The following CSMD1 variants were observed in gnomAD, a reference collection of about 807,000 sequenced individuals.
CSMD1 encodes CUB and sushi domain-containing protein 1.
CSMD1 carries 213 observed loss-of-function variants against 417.5 expected under a neutral mutation model. The ratio of observed to expected loss-of-function variants is 0.51; its 90% CI spans 0.46 to 0.57. The LOEUF (loss-of-function observed/expected upper bound fraction) is 0.57. CSMD1 is among the 20% of genes least tolerant of loss of function. The probability of loss-of-function intolerance (pLI) is 0.00; values close to 1 mark genes in which losing one functional copy is unlikely to be tolerated. For missense variants in CSMD1, 6,923 were observed against 4,529.7 expected (o/e 1.53, Z -15.17); for synonymous variants, 2,862 against 1,736.8 (o/e 1.65, Z -16.11).
At chr8:3,312,135 A>C (rs537902736) in intron 23 of CSMD1, among the ~76,000 whole-genome samples, 1 of 152,344 alleles carries the variant, frequency 6.6e-6, no homozygotes, top group South Asian at 2.1e-4. Context: ...TGTATCCATT[A>C]AAATGTCTAC....
intron 52 of CSMD1, among the ~76,000 whole-genome samples, chr8:3,002,066 A>C (rs190931666): frequency 2.9e-3 from 448 of 152,302 alleles, no homozygotes; most frequent in Middle Eastern, 6.8e-3. Context: ...GACCACAAAA[A>C]GCCAGGCTAG....
intron 2 of CSMD1, among the ~76,000 whole-genome samples, chr8:4,616,112 T>A (rs1220717442): frequency 2.0e-5 from 3 of 152,192 alleles, no homozygotes; most frequent in African/African-American, 4.8e-5. Context: ...TATTTAGACA[T>A]CTTCCTATAA....
rs1331850933 is a variant in CSMD1 at position 4,241,263 on chromosome 8, C to G, written c.415+178690G>C. Among the ~76,000 whole-genome samples the G allele has an allele frequency of 2.0e-5, 3 of 152,182 alleles. 1 individual carries two copies. Among genetic ancestry groups the G allele is most frequent in the South Asian group, 4.1e-4 (2 of 4,826 alleles). ...CACCCTTCATATACACCACAGGGCC[C>G]TAAATAATCTCACCACAATTCATTC... On this transcript the variant is annotated intron_variant, in intron 3 of 69. Transcript: ENST00000635120.
intron 25 of CSMD1, among the ~76,000 whole-genome samples, chr8:3,293,627 G>A (rs1238095699): frequency 6.6e-6 from 1 of 152,100 alleles, no homozygotes; most frequent in East Asian, 1.9e-4. Context: ...ATTGGCTACT[G>A]AGGCTTGTGC....
rs1326315843 is a variant in CSMD1 at position 4,446,522 on chromosome 8, G to T, written c.303-26457C>A. On this transcript the variant is annotated intron_variant, in intron 2 of 69. Coordinates refer to ENST00000635120, the MANE Select transcript of CSMD1 (RefSeq NM_033225.6). ...TGATCAGGCCACTGCACTCCAGCCT[G>T]GGCAGCAGAATGAGACCCCGGTTCT... Among the ~76,000 whole-genome samples, 4 of 152,300 alleles carry T rather than the reference G, an allele frequency of 2.6e-5. No homozygotes were observed. The East Asian group carries it at 7.8e-4, about 30-fold the overall frequency.
At chr8:4,200,448 C>A (rs1222286120) in intron 3 of CSMD1, among the ~76,000 whole-genome samples, 2 of 152,170 alleles carry the variant, frequency 1.3e-5, no homozygotes, top group African/African-American at 4.8e-5. Context: ...GTCTACTCAA[C>A]ACTCTTATGG....
chr8:2,975,254 A>C (rs564188744), intron 55 of CSMD1, among the ~76,000 whole-genome samples: 19 of 152,304 alleles, frequency 1.2e-4, no homozygotes, highest in African/African-American at 4.3e-4. Context: ...AATCAGGCCT[A>C]AACTCTATTT....
chr8:3,946,027 C>T (rs955488172), intron 5 of CSMD1, among the ~76,000 whole-genome samples: 2 of 152,094 alleles, frequency 1.3e-5, no homozygotes, highest in East Asian at 3.9e-4. Context: ...TAACATTCTA[C>T]GATGTAGGCG....
At chr8:4,974,004 C>A (rs1322755714) in intron 1 of CSMD1, among the ~76,000 whole-genome samples, 1 of 151,994 alleles carries the variant, frequency 6.6e-6, no homozygotes, top group Non-Finnish European at 1.5e-5. Context: ...TTTAGATTAG[C>A]CTCTCTGGAA....
chr8:3,395,068 CAA>C (rs1490718575), intron 17 of CSMD1, among the ~76,000 whole-genome samples: 2 of 151,856 alleles, frequency 1.3e-5, no homozygotes, highest in Non-Finnish European at 2.9e-5. Context: ...GAGAGGGTAA[CAA>C]GAGTAATAGG....
At chr8:3,573,681 C>A (rs376926738) in intron 10 of CSMD1, among the ~76,000 whole-genome samples, 1 of 152,050 alleles carries the variant, frequency 6.6e-6, no homozygotes, top group East Asian at 1.9e-4. Context: ...AACCCAACAG[C>A]TTTGAGAGGA....
At chr8:4,873,293 T>G (rs1802843124) in intron 1 of CSMD1, among the ~76,000 whole-genome samples, 2 of 152,138 alleles carry the variant, frequency 1.3e-5, no homozygotes, top group African/African-American at 4.8e-5. Context: ...AAAAAATGCC[T>G]TTTAAAATTC....
At chr8:4,227,567 C>A (rs369960615) in intron 3 of CSMD1, among the ~76,000 whole-genome samples, 1 of 152,018 alleles carries the variant, frequency 6.6e-6, no homozygotes, top group Non-Finnish European at 1.5e-5. Context: ...CATAATTATT[C>A]AGAAGAGAAG....
chr8:3,250,476 G>A (rs1197278077), intron 26 of CSMD1, among the ~76,000 whole-genome samples: 1 of 152,144 alleles, frequency 6.6e-6, no homozygotes, highest in Non-Finnish European at 1.5e-5. Flanking sequence ...CATTTGGGTT[G>A]GTTCCAAGTC....
chr8:3,960,984 ATATAT>A (rs937050044), intron 5 of CSMD1, among the ~76,000 whole-genome samples: 4 of 151,940 alleles, frequency 2.6e-5, no homozygotes, highest in African/African-American at 9.7e-5. Flanking sequence ...TCTTTTAAAA[ATATAT>A]TAAATTATCT....
At chr8:4,988,007 G>A (rs975317497) in intron 1 of CSMD1, among the ~76,000 whole-genome samples, 1 of 152,100 alleles carries the variant, frequency 6.6e-6, no homozygotes, top group African/African-American at 2.4e-5. Flanking sequence ...AATTCACTTT[G>A]TGCTCCTGTG....
intron 10 of CSMD1, among the ~76,000 whole-genome samples, chr8:3,558,028 C>T (rs1450304612): frequency 5.3e-5 from 8 of 151,362 alleles, no homozygotes; most frequent in African/African-American, 1.5e-4. Flanking sequence ...ATGAATGGTG[C>T]CTCAGAAGTA....
At chr8:2,962,808 G>A (rs1440535221) in intron 60 of CSMD1, among the ~76,000 whole-genome samples, 169 bp from the exon 61 acceptor site, 2 of 152,186 alleles carry the variant, frequency 1.3e-5, no homozygotes, top group African/African-American at 4.8e-5. Context: ...CAACACTTTG[G>A]GAGGCAGAGG....
intron 3 of CSMD1, among the ~76,000 whole-genome samples, chr8:4,309,708 G>C (rs1330966503): frequency 6.6e-6 from 1 of 152,080 alleles, no homozygotes; most frequent in Admixed American, 6.6e-5. Flanking sequence ...TCTAGGGATT[G>C]TAACATACAC....
Sources: allele counts gnomAD v4.1 joint callset (sites outside exome capture counted in the v4.1 genomes callset), GRCh38; gene constraint gnomAD v4.1.1; transcripts MANE v1.5; gene names NCBI Gene and HGNC (gene_info 2026-07-23, HGNC 2026-07-21).